Variants in MANF observed in about 807,000 individuals in gnomAD.
MANF encodes the protein mesencephalic astrocyte-derived neurotrophic factor.
In MANF, 9 loss-of-function variants were observed where a neutral mutation model predicts 19.1. The observed-to-expected ratio is 0.47, with a 90% CI of 0.28 to 0.82. The LOEUF is 0.82. Ranked by LOEUF, MANF falls within the 40% of genes least tolerant of loss-of-function variation. MANF has a pLI of 0.10. For synonymous variants in MANF, 89 were observed against 88.0 expected, an observed-to-expected ratio of 1.01 and a Z score of -0.06; for missense variants, 225 against 226.7, an observed-to-expected ratio of 0.99 and a Z score of 0.05.
chr3:51,386,130 A>C, intron 1 of MANF, 78 bp from the exon 2 acceptor site: 1 of 1,499,716 alleles, frequency 6.7e-7, no homozygotes, highest in Non-Finnish European at 9.2e-7. Flanking sequence ...TCCTATTAAA[A>C]TTGCTGGCGG....
rs942636589 is a variant in MANF, at chr3:51,389,151, A to G, written c.*62A>G. 2.1e-6 allele frequency: 3 copies of G among 1,457,918 alleles called. No individual in the cohort carries two copies. The highest frequency in any genetic ancestry group is 2.8e-6 in the Non-Finnish European group (3 of 1,070,632). The allele number at this position is 1,457,918 out of a possible 1,614,324, so 90.3% of individuals were successfully genotyped here. A position where few individuals can be genotyped will look rare whatever the true frequency, so the allele number is the denominator to read the frequency against. On this transcript the variant is annotated 3_prime_UTR_variant, in exon 4 of 4. Transcript: ENST00000528157. ...CAGTTCAACTGCTTACTCCCAAAAC[A>G]GCCTTTTTGTAATTTATTTTTTAAG...
At position 51,387,895 on chromosome 3, in the gene MANF, C is replaced by G. The variant is rs868938831; in HGVS notation, c.364+17C>G. 4 of 1,612,202 alleles carry G rather than the reference C, an allele frequency of 2.5e-6. No homozygotes were observed. The Middle Eastern group carries it at 6.6e-4, about 266-fold the overall frequency. On this transcript the variant is annotated intron_variant, in intron 3 of 3. Transcript: ENST00000528157. ...TTAAGTATGGTGAGTATGCCTAGTCCTTTCTTAATGAATGCTGTGCACCTT... is the reference window on the plus strand; with the variant it reads ...TTAAGTATGGTGAGTATGCCTAGTCGTTTCTTAATGAATGCTGTGCACCTT...
Position 51,387,719 on chromosome 3 carries a change from T to C in MANF, c.223-18T>C. On this transcript the variant is annotated intron_variant, in intron 2 of 3. Transcript: ENST00000528157. ...CTCTCAAGCACCTCCTGAAGGCCATTGTCCTTTATTGCTCCAGTGCTACTA... is the reference window on the plus strand; with the variant it reads ...CTCTCAAGCACCTCCTGAAGGCCATCGTCCTTTATTGCTCCAGTGCTACTA... 2 of 1,608,132 alleles carry C rather than the reference T, an allele frequency of 1.2e-6. No homozygotes were observed. The highest frequency in any genetic ancestry group is 1.1e-5 in the South Asian group (1 of 89,910).
intron 1 of MANF, 141 bp downstream of exon 1, chr3:51,385,577 T>G: frequency 2.2e-6 from 1 of 457,346 alleles, no homozygotes; most frequent in Non-Finnish European, 3.5e-6. Flanking sequence ...CCGCGGGGCC[T>G]GCATGAGGAG....
chr3:51,387,441 GACA>G (rs1553621021), intron 2 of MANF, among the ~76,000 whole-genome samples: 3 of 151,294 alleles, frequency 2.0e-5, no homozygotes, highest in Non-Finnish European at 4.4e-5. Flanking sequence ...CAGCCTGGGT[GACA>G]GAGCAAAACT....
chr3:51,386,426 C>CT, intron 2 of MANF, 91 bp downstream of exon 2: 1 of 1,444,768 alleles, frequency 6.9e-7, no homozygotes, highest in African/African-American at 1.4e-5. Flanking sequence ...GCCCACCTCT[C>CT]TGTTCAGGAA....
chr3:51,385,735 G>A, intron 1 of MANF: 1 of 313,210 alleles, frequency 3.2e-6, no homozygotes, highest in East Asian at 5.1e-5. Context: ...AGAGGTTACC[G>A]CTCCCCGTTC....
chr3:51,386,463 G>A (rs559370303), intron 2 of MANF, 128 bp downstream of exon 2: 588 of 999,338 alleles, frequency 5.9e-4, no homozygotes, highest in Non-Finnish European at 8.2e-4. Context: ...ATAAACTAAT[G>A]TGAGAAGACT....
intron 2 of MANF, 88 bp from the exon 3 acceptor site, chr3:51,387,649 C>G: frequency 7.6e-7 from 1 of 1,311,136 alleles, no homozygotes; most frequent in Non-Finnish European, 1.1e-6. Flanking sequence ...TAAGGCCCTA[C>G]AGAGAGATGA....
chr3:51,385,346 A>G lies in MANF; in HGVS notation c.4A>G (p.Arg2Gly). ...GAGGAGGAGGAGGATGAGGAGGATG[A>G]GGAGGATGTGGGCCACGCAGGGGCT... M[R>G]RMWATQGLAV... is the part of the protein sequence containing the mutation. Residue 2 changes from arginine (R) to glycine (G), a missense_variant, in exon 1 of 4, where the codon AGG becomes GGG. Coordinates refer to ENST00000528157, the MANE Select transcript of MANF (RefSeq NM_006010.6). 1 of 1,237,872 alleles carries G rather than the reference A, an allele frequency of 8.1e-7. No individual in the cohort carries two copies. The highest frequency in any genetic ancestry group is 4.0e-5 in the South Asian group (1 of 25,140). 76.7% of individuals were successfully genotyped at this position (1,237,872 alleles called of 1,614,324 possible).
At chr3:51,386,490 C>T (rs1334452372) in intron 2 of MANF, among the ~76,000 whole-genome samples, 155 bp downstream of exon 2, 4 of 152,238 alleles carry the variant, frequency 2.6e-5, no homozygotes, top group African/African-American at 4.8e-5. Flanking sequence ...CTTCTATGTC[C>T]TTCCCAAAGC....
chr3:51,385,541 G>A, intron 1 of MANF, 105 bp downstream of exon 1: 1 of 546,404 alleles, frequency 1.8e-6, no homozygotes, highest in East Asian at 4.0e-5. Flanking sequence ...GAGGGCGGGG[G>A]CGGGGGCGGG....
At position 51,385,552 on chromosome 3, in the gene MANF, G is replaced by C; in HGVS notation, c.94+116G>C. On this transcript the variant is annotated intron_variant, in intron 1 of 3. Coordinates refer to ENST00000528157, the MANE Select transcript of MANF (RefSeq NM_006010.6). ...GGGCGAGGGCGGGGGCGGGGGCGGG[G>C]GCGACAGCAGGTCCCCGCGGGGCCT... 6.3e-6 allele frequency: 3 copies of C among 472,706 alleles called. 1 individual carries two copies. The highest frequency in any genetic ancestry group is 6.6e-6 in the Non-Finnish European group (2 of 303,508). The allele number at this position is 472,706 out of a possible 1,614,324, so 29.3% of individuals were successfully genotyped here. A position where few individuals can be genotyped will look rare whatever the true frequency, so the allele number is the denominator to read the frequency against.
At chr3:51,387,178 G>A (rs1323568508) in intron 2 of MANF, 2 of 322,722 alleles carry the variant, frequency 6.2e-6, no homozygotes, top group Admixed American at 4.1e-5. Flanking sequence ...TTTTAGGCTA[G>A]GCGTGGTGGC....
chr3:51,387,670 TGTCA>T (rs1325710108), intron 2 of MANF, 63 bp from the exon 3 acceptor site: 3 of 1,456,072 alleles, frequency 2.1e-6, no homozygotes, highest in Non-Finnish European at 1.9e-6. Flanking sequence ...TGTTTCAAGG[TGTCA>T]GTATGTTTGG....
At chr3:51,386,386 G>C in intron 2 of MANF, 51 bp downstream of exon 2, 2 of 1,604,300 alleles carry the variant, frequency 1.2e-6, no homozygotes, top group Non-Finnish European at 1.7e-6. Context: ...GTTAACCCTC[G>C]GCTTCACCAG....
Position 51,389,297 on chromosome 3 carries a change from A to C in MANF, c.*208A>C, listed in dbSNP as rs1349493844. ...GTTGCTGGTGTACTCTAGGACTTCA[A>C]AGTGTGTCTGGGATTTTTTTATTAA... On this transcript the variant is annotated 3_prime_UTR_variant, in exon 4 of 4. Coordinates refer to ENST00000528157, the MANE Select transcript of MANF (RefSeq NM_006010.6). 8.3e-6 allele frequency: 4 copies of C among 484,218 alleles called. No individual in the cohort carries two copies. Among genetic ancestry groups the C allele is most frequent in the Non-Finnish European group, 1.4e-5 (4 of 279,818 alleles). The allele number at this position is 484,218 out of a possible 1,614,324, so 30.0% of individuals were successfully genotyped here. A position where few individuals can be genotyped will look rare whatever the true frequency, so the allele number is the denominator to read the frequency against.
intron 3 of MANF, 29 bp downstream of exon 3, chr3:51,387,907 A>G: frequency 6.2e-7 from 1 of 1,610,188 alleles, no homozygotes; most frequent in Admixed American, 1.7e-5. Flanking sequence ...TTCTTAATGA[A>G]TGCTGTGCAC....
Position 51,386,346 on chromosome 3 carries a change from G to A in MANF, c.222+11G>A, listed in dbSNP as rs1577016301. On this transcript the variant is annotated intron_variant, in intron 2 of 3. Transcript: ENST00000528157. ...AAAGAGAATCGGTTGGTAAGTAGCT[G>A]GTGATCCTCCCCAACTGGCCCTGGC... 6.2e-7 allele frequency: 1 copy of A among 1,613,858 alleles called. No homozygotes were observed. The highest frequency in any genetic ancestry group is 8.5e-7 in the Non-Finnish European group (1 of 1,179,798).
Sources: gnomAD v4.1 joint callset for allele counts (sites outside exome capture counted in the v4.1 genomes callset) on GRCh38, gnomAD v4.1.1 for gene constraint, MANE v1.5 for transcripts, NCBI Gene and HGNC (gene_info 2026-07-23, HGNC 2026-07-21) for gene names.